The following TMEM132B variants were observed in gnomAD, a reference collection of about 807,000 sequenced individuals.
The protein encoded by TMEM132B is transmembrane protein 132B.
In TMEM132B, 18 loss-of-function variants were observed where a neutral mutation model predicts 90.8. That is an observed-to-expected ratio of 0.20 (90% CI 0.14 to 0.29). TMEM132B has a LOEUF of 0.29. TMEM132B is among the 10% of genes least tolerant of loss of function. The pLI, the probability that TMEM132B is intolerant of heterozygous loss-of-function variation, is 1.00. For missense variants in TMEM132B, 1,096 were observed against 1,326.8 expected (o/e 0.83, Z 2.70); for synonymous variants, 504 against 523.3 (o/e 0.96, Z 0.50).
chr12:125,248,185 C>A (rs1433737081), intron 1 of TMEM132B, among the ~76,000 whole-genome samples: 1 of 152,142 alleles, frequency 6.6e-6, no homozygotes, highest in East Asian at 1.9e-4. Context: ...TTTAAAGCGA[C>A]GGCTCTGCAA....
intron 1 of TMEM132B, among the ~76,000 whole-genome samples, chr12:125,264,080 A>G (rs1874630229): frequency 6.6e-6 from 1 of 152,236 alleles, no homozygotes; most frequent in African/African-American, 2.4e-5. Context: ...TGGAAGCTCT[A>G]GAGGAAAATA....
At chr12:125,637,326 C>G (rs746028278) in intron 5 of TMEM132B, among the ~76,000 whole-genome samples, 3 of 152,168 alleles carry the variant, frequency 2.0e-5, no homozygotes, top group Non-Finnish European at 4.4e-5. Context: ...GATCGGAGAT[C>G]TGAACTTATT....
intron 4 of TMEM132B, among the ~76,000 whole-genome samples, chr12:125,531,033 A>T (rs143732520): frequency 3.7e-4 from 57 of 152,030 alleles, no homozygotes; most frequent in African/African-American, 1.4e-3. Context: ...CCAGATGATG[A>T]CTCTGCCAGG....
At chr12:125,533,600 C>T (rs1460291896) in intron 4 of TMEM132B, among the ~76,000 whole-genome samples, 1 of 152,256 alleles carries the variant, frequency 6.6e-6, no homozygotes, top group African/African-American at 2.4e-5. Flanking sequence ...CGGGGAAGGA[C>T]CTCGTGGGCG....
intron 2 of TMEM132B, among the ~76,000 whole-genome samples, chr12:125,405,657 T>C (rs1879451262): frequency 6.6e-6 from 1 of 152,188 alleles, no homozygotes; most frequent in Admixed American, 6.5e-5. Context: ...ACCCCTACAC[T>C]CCATCCTGCC....
intron 1 of TMEM132B, among the ~76,000 whole-genome samples, chr12:125,321,442 A>G (rs752658638): frequency 6.6e-6 from 1 of 151,986 alleles, no homozygotes; most frequent in Non-Finnish European, 1.5e-5. Flanking sequence ...GCTGATGGGA[A>G]TGTAAAATGG....
chr12:125,425,284 A>G (rs148195600), intron 3 of TMEM132B, among the ~76,000 whole-genome samples: 3 of 152,348 alleles, frequency 2.0e-5, no homozygotes, highest in Non-Finnish European at 4.4e-5. Context: ...TCAATTATAC[A>G]TTTACAAAAA....
chr12:125,570,465 C>T (rs917973196), intron 4 of TMEM132B, among the ~76,000 whole-genome samples: 3 of 152,244 alleles, frequency 2.0e-5, no homozygotes, highest in Non-Finnish European at 4.4e-5. Context: ...TTTGCTTCTT[C>T]CATCTGTTGT....
At chr12:125,622,513 A>G (rs1886134372) in intron 5 of TMEM132B, 2 of 985,286 alleles carry the variant, frequency 2.0e-6, no homozygotes, top group African/African-American at 3.5e-5. Context: ...AGAAAGGTGT[A>G]GATCCTGCAG....
chr12:125,280,459 A>G (rs190413824), intron 1 of TMEM132B, among the ~76,000 whole-genome samples: 240 of 152,370 alleles, frequency 1.6e-3, no homozygotes, highest in Middle Eastern at 0.01. Context: ...GGGATAACGA[A>G]GCATGTCAAA....
At chr12:125,486,821 G>A (rs4765043) in intron 3 of TMEM132B, among the ~76,000 whole-genome samples, 47,911 of 151,990 alleles carry the variant, frequency 0.32, 7,732 homozygotes, top group East Asian at 0.52. Context: ...TTTAATTACC[G>A]TCTTCCTTTT....
At chr12:125,622,447 C>A (rs1886132234) in intron 5 of TMEM132B, 2 of 985,192 alleles carry the variant, frequency 2.0e-6, no homozygotes, top group East Asian at 1.1e-4. Context: ...AGAAGTAGAA[C>A]TTTCATAGCC....
chr12:125,230,214 AG>A (rs1462847691), intron 1 of TMEM132B, among the ~76,000 whole-genome samples: 1 of 152,186 alleles, frequency 6.6e-6, no homozygotes, highest in Non-Finnish European at 1.5e-5. Flanking sequence ...TGCTGGTTGT[AG>A]AAACTTTTGT....
chr12:125,515,375 CA>C (rs1270425584), intron 3 of TMEM132B, among the ~76,000 whole-genome samples: 1 of 131,682 alleles, frequency 7.6e-6, no homozygotes, highest in African/African-American at 3.2e-5. Context: ...CATTCACTCA[CA>C]CCTCTTTCAC....
chr12:125,219,953 C>G (rs939051649), intron 1 of TMEM132B, among the ~76,000 whole-genome samples: 2 of 152,174 alleles, frequency 1.3e-5, no homozygotes, highest in Admixed American at 1.3e-4. Context: ...TTTTTGGAAG[C>G]CTGCTGTGTG....
intron 4 of TMEM132B, among the ~76,000 whole-genome samples, chr12:125,547,739 C>A (rs749223233): frequency 2.0e-5 from 3 of 152,124 alleles, no homozygotes; most frequent in African/African-American, 7.2e-5. Context: ...TTACTCAGTA[C>A]AAGGCAGGAT....
chr12:125,595,909 A>G (rs2136906524), intron 5 of TMEM132B, among the ~76,000 whole-genome samples: 1 of 152,104 alleles, frequency 6.6e-6, no homozygotes, highest in African/African-American at 2.4e-5. Context: ...CTATCCACAA[A>G]CTAACTTTAC....
At chr12:125,329,083 G>A (rs1876685056) in intron 1 of TMEM132B, among the ~76,000 whole-genome samples, 1 of 152,254 alleles carries the variant, frequency 6.6e-6, no homozygotes, top group African/African-American at 2.4e-5. Context: ...TGGAGCCCTC[G>A]AGGGGTAATT....
At chr12:125,269,326 C>T (rs559839308) in intron 1 of TMEM132B, among the ~76,000 whole-genome samples, 1 of 152,308 alleles carries the variant, frequency 6.6e-6, no homozygotes, top group East Asian at 1.9e-4. Flanking sequence ...AATAATGATT[C>T]CTTGGCTGCA....
Sources: allele counts gnomAD v4.1 joint callset (sites outside exome capture counted in the v4.1 genomes callset), GRCh38; gene constraint gnomAD v4.1.1; transcripts MANE v1.5; gene names NCBI Gene and HGNC (gene_info 2026-07-23, HGNC 2026-07-21).